The following EPC2 variants were observed in gnomAD, a reference collection of about 807,000 sequenced individuals.
EPC2 encodes enhancer of polycomb 2.
A neutral mutation model predicts 92.1 loss-of-function variants in EPC2; 14 were observed. That is an observed-to-expected ratio of 0.15 (90% CI 0.10 to 0.24). The LOEUF (loss-of-function observed/expected upper bound fraction) is 0.24, where lower values mean the gene tolerates loss of function less well. Among genes scored for constraint, EPC2 ranks in the 10% least tolerant of loss-of-function variants. EPC2 has a pLI of 1.00. For missense variants in EPC2, 755 were observed against 971.5 expected (o/e 0.78, Z 2.96); for synonymous variants, 340 against 334.7 (o/e 1.02, Z -0.17).
intron 7 of EPC2, 51 bp from the exon 8 acceptor site, chr2:148,769,099 AT>A (rs2105429344): frequency 8.6e-7 from 1 of 1,167,214 alleles, no homozygotes; most frequent in South Asian, 1.3e-5. Context: ...TATTACAAAC[AT>A]TGATCTATTG....
intron 2 of EPC2, among the ~76,000 whole-genome samples, chr2:148,717,440 A>G (rs1445347446): frequency 3.9e-5 from 6 of 152,070 alleles, no homozygotes; most frequent in Non-Finnish European, 8.8e-5. Context: ...GGTACATTGT[A>G]TCTTTGTTCT....
chr2:148,685,958 A>C (rs1167612258), intron 1 of EPC2, among the ~76,000 whole-genome samples: 1 of 152,126 alleles, frequency 6.6e-6, no homozygotes. Flanking sequence ...TCTTGCCTTG[A>C]TGTTAATGGC....
intron 2 of EPC2, among the ~76,000 whole-genome samples, chr2:148,727,916 TTATA>T (rs1682529238): frequency 6.6e-6 from 1 of 152,214 alleles, no homozygotes. Context: ...CACCCCTCCT[TTATA>T]AGTGACCACA....
Position 148,771,140 on chromosome 2 carries a change from A to G in EPC2, c.1473A>G (p.Ile491Met). 6.2e-7 allele frequency: 1 copy of G among 1,613,978 alleles called. No homozygotes were observed. The highest frequency in any genetic ancestry group is 1.1e-5 in the South Asian group (1 of 91,076). ...GTTTTTCAAGCTCTTCCCAAACTAT[A>G]GACTTTTCTTCTAATTTCTCTCGGA... is the stretch of plus-strand genomic sequence containing the variant. ...LNSFSSSSQT[I>M]DFSSNFSRTN... Residue 491 changes from isoleucine to methionine, a missense_variant, in exon 10 of 14, where the codon ATA becomes ATG. By Grantham distance (10) the Ile-to-Met change is conservative. This residue lies in a region of EPC2 where 509 missense variants were observed against 607.7 expected (regional missense o/e 0.84). Coordinates refer to ENST00000258484, the MANE Select transcript of EPC2 (RefSeq NM_015630.4).
chr2:148,727,677 G>A (rs2105395339), intron 2 of EPC2, among the ~76,000 whole-genome samples: 1 of 152,252 alleles, frequency 6.6e-6, no homozygotes, highest in African/African-American at 2.4e-5. Flanking sequence ...TTCATTCTAT[G>A]CTTGTTAAGA....
intron 10 of EPC2, 66 bp from the exon 11 acceptor site, chr2:148,781,578 A>G (rs1355762479): frequency 2.1e-6 from 3 of 1,436,912 alleles, no homozygotes; most frequent in Non-Finnish European, 2.9e-6. Context: ...TTTATATCAT[A>G]TTCTGCTTGT....
At chr2:148,707,943 G>A (rs930675286) in intron 2 of EPC2, among the ~76,000 whole-genome samples, 14 of 152,070 alleles carry the variant, frequency 9.2e-5, no homozygotes, top group African/African-American at 3.4e-4. Context: ...AAGAACTAGA[G>A]AAGCAAGAGC....
chr2:148,715,597 A>G (rs1682243765), intron 2 of EPC2, among the ~76,000 whole-genome samples: 1 of 152,112 alleles, frequency 6.6e-6, no homozygotes, highest in South Asian at 2.1e-4. Flanking sequence ...CTGTTCTTGT[A>G]CTAATATCAT....
intron 2 of EPC2, among the ~76,000 whole-genome samples, chr2:148,730,713 G>A (rs995981200): frequency 3.3e-5 from 5 of 152,192 alleles, no homozygotes; most frequent in African/African-American, 1.2e-4. Flanking sequence ...TTAGGGTTGA[G>A]AAGTATACAG....
intron 10 of EPC2, among the ~76,000 whole-genome samples, chr2:148,773,893 G>T (rs1450731139): frequency 1.3e-5 from 2 of 152,070 alleles, no homozygotes; most frequent in Admixed American, 1.3e-4. Context: ...ACTTTTGATG[G>T]ATATATACAA....
At chr2:148,722,179 A>G (rs945913604) in intron 2 of EPC2, among the ~76,000 whole-genome samples, 2 of 152,078 alleles carry the variant, frequency 1.3e-5, no homozygotes, top group African/African-American at 4.8e-5. Flanking sequence ...GTGAGATTTG[A>G]TAGTTTCATG....
chr2:148,692,132 C>A (rs2105372355), intron 2 of EPC2: 2 of 227,092 alleles, frequency 8.8e-6, no homozygotes, highest in Middle Eastern at 3.8e-3. Context: ...CCCTCATTCA[C>A]CTTCTTTCAT....
chr2:148,784,863 T>C lies in EPC2; in HGVS notation c.2213T>C (p.Val738Ala). Residue 738 changes from valine to alanine, a missense_variant, in exon 13 of 14, where the codon GTT (valine) becomes GCT (alanine). Around this residue, in one of 4 missense-constraint regions of EPC2, gnomAD observed 207 missense variants for 260.5 expected, o/e 0.79. Transcript: ENST00000258484. ...TNAVHLNNVS[V>A]VSPVNVHINT... ...GCAGTGCACCTCAATAATGTCAGTG[T>C]TGTTTCTCCAGTCAATGTGCATATC... 6.2e-7 allele frequency: 1 copy of C among 1,613,426 alleles called. No individual in the cohort carries two copies. Among genetic ancestry groups the C allele is most frequent in the Non-Finnish European group, 8.5e-7 (1 of 1,179,608 alleles).
intron 13 of EPC2, 144 bp from the exon 14 acceptor site, chr2:148,786,161 C>A: frequency 1.6e-6 from 1 of 623,272 alleles, no homozygotes; most frequent in Non-Finnish European, 2.7e-6. Flanking sequence ...TCATTCCTAT[C>A]TAGAAATGGC....
chr2:148,670,123 A>T (rs943808918), intron 1 of EPC2, among the ~76,000 whole-genome samples: 1 of 152,148 alleles, frequency 6.6e-6, no homozygotes, highest in Non-Finnish European at 1.5e-5. Flanking sequence ...ACTGAGCTTC[A>T]TGAAGCCTTC....
intron 2 of EPC2, among the ~76,000 whole-genome samples, chr2:148,737,358 T>C (rs542732760): frequency 1.6e-3 from 246 of 152,218 alleles, no homozygotes; most frequent in Non-Finnish European, 2.9e-3. Context: ...TAAAATTAAA[T>C]ATATTCAAAG....
At chr2:148,690,404 G>A in intron 2 of EPC2, 31 bp downstream of exon 2, 1 of 1,539,864 alleles carries the variant, frequency 6.5e-7, no homozygotes, top group Non-Finnish European at 8.7e-7. Flanking sequence ...TTTTCTGTTT[G>A]TACTTTAAAT....
chr2:148,739,830 C>CTTTTTTTTTTTTTTTTTTTTTTTTT (rs879739457), intron 2 of EPC2, among the ~76,000 whole-genome samples: 6 of 96,722 alleles, frequency 6.2e-5, no homozygotes, highest in East Asian at 3.9e-4. Flanking sequence ...TTTTCTTCTT[C>CTTTTTTTTTTTTTTTTTTTTTTTTT]TTCTTTTTTT....
chr2:148,721,371 T>C (rs888071392), intron 2 of EPC2, among the ~76,000 whole-genome samples: 2 of 152,134 alleles, frequency 1.3e-5, no homozygotes, highest in Non-Finnish European at 2.9e-5. Flanking sequence ...CACTCCATGC[T>C]GTTCTTACTT....
Sources: gnomAD v4.1 joint callset for allele counts (sites outside exome capture counted in the v4.1 genomes callset) on GRCh38, gnomAD v4.1.1 for gene constraint, gnomAD v4.1.1 regional missense constraint, MANE v1.5 for transcripts, NCBI Gene and HGNC (gene_info 2026-07-23, HGNC 2026-07-21) for gene names.